The following UBXN2A variants were observed in gnomAD, a reference collection of about 807,000 sequenced individuals.
UBXN2A encodes UBX domain-containing protein 2A.
UBXN2A carries 28 observed loss-of-function variants against 28.4 expected under a neutral mutation model. The observed-to-expected ratio is 0.99, with a 90% CI of 0.73 to 1.35. The LOEUF is 1.35. Ranked by LOEUF, UBXN2A falls within the 40% of genes most tolerant of loss-of-function variation. UBXN2A has a pLI of 0.00. For synonymous variants in UBXN2A, 97 were observed against 103.6 expected (o/e 0.94, Z 0.39); for missense variants, 253 against 297.9 (o/e 0.85, Z 1.11).
At chr2:23,939,108 C>A (rs1705626939), upstream of UBXN2A, among the ~76,000 whole-genome samples, 1 of 151,994 alleles carries the variant, frequency 6.6e-6, no homozygotes, top group Admixed American at 6.6e-5. Context: ...ACAAATAAAT[C>A]CCGATTTAGG....
At chr2:23,930,147 C>T (rs769930847) in intron 1 of UBXN2A, among the ~76,000 whole-genome samples, 1 of 152,138 alleles carries the variant, frequency 6.6e-6, no homozygotes, top group Non-Finnish European at 1.5e-5. Context: ...CTCAGCCTCC[C>T]AAAGTGCTGG....
rs1180529704 is a variant in UBXN2A at position 24,001,175 on chromosome 2, A to G, written c.*1308A>G. On this transcript the variant is annotated 3_prime_UTR_variant, in exon 7 of 7. Transcript: ENST00000309033. The stretch of plus-strand genomic sequence containing the variant: ...TTGGCTAATTTTGCATTTTTAGTAG[A>G]CACGGGATTTCACCATGTTGGTCAG... The G allele has an allele frequency of 6.6e-6, 1 of 152,134 alleles. No individual in the cohort carries two copies. Among genetic ancestry groups the G allele is most frequent in the Non-Finnish European group, 1.5e-5 (1 of 68,054 alleles). 9.4% of individuals were successfully genotyped at this position (152,134 alleles called of 1,614,324 possible).
chr2:23,952,730 A>G (rs1279468542), intron 1 of UBXN2A, among the ~76,000 whole-genome samples: 2 of 152,092 alleles, frequency 1.3e-5, no homozygotes, highest in African/African-American at 4.8e-5. Flanking sequence ...GGTGTGAGCT[A>G]CCACACACAG....
chr2:23,958,328 A>G lies in UBXN2A; in HGVS notation c.14A>G (p.Asp5Gly), dbSNP rs1466896808. The change falls in exon 2 of 7, where the codon GAT (aspartate) becomes GGT (glycine). Residue 5 changes from aspartate (D) to glycine (G), a missense_variant. By Grantham distance (94) the Asp-to-Gly change is moderately conservative. Coordinates refer to ENST00000309033, the MANE Select transcript of UBXN2A (RefSeq NM_181713.4). ...AGGCGAAAGAGAATGAAAGACGTAGATAACCTCAAAAGTATAAAAGAAGAA... is the reference window on the plus strand; with the variant it reads ...AGGCGAAAGAGAATGAAAGACGTAGGTAACCTCAAAAGTATAAAAGAAGAA... MKDV[D>G]NLKSIKEEWV... The G allele has an allele frequency of 2.5e-6, 4 of 1,604,726 alleles. No homozygotes were observed. The highest frequency in any genetic ancestry group is 3.4e-6 in the Non-Finnish European group (4 of 1,177,328).
In UBXN2A at chr2:24,000,394, T is replaced by C. The variant is rs1708695267; in HGVS notation, c.*527T>C. 1 of 152,292 alleles carries C rather than the reference T, an allele frequency of 6.6e-6. No individual in the cohort carries two copies. The highest frequency in any genetic ancestry group is 1.5e-5 in the Non-Finnish European group (1 of 68,242). 9.4% of individuals were successfully genotyped at this position (152,292 alleles called of 1,614,324 possible). ...CCATCTCTAGTAAAAATACAAAAAT[T>C]AGCTGGGCGTGGCGGTGCGCAACTG... is the stretch of plus-strand genomic sequence containing the variant. On this transcript the variant is annotated 3_prime_UTR_variant, in exon 7 of 7. Coordinates refer to ENST00000309033, the MANE Select transcript of UBXN2A (RefSeq NM_181713.4).
chr2:23,951,927 G>A (rs1170590269), intron 1 of UBXN2A, among the ~76,000 whole-genome samples: 2 of 150,552 alleles, frequency 1.3e-5, no homozygotes, highest in African/African-American at 2.4e-5. Context: ...ATGAGAAAAC[G>A]TTAATGGGCA....
rs935312169 is a variant in UBXN2A, at chr2:24,002,504, G to C, written c.*2637G>C. The C allele has an allele frequency of 6.6e-6, 1 of 152,166 alleles. No homozygotes were observed. Among genetic ancestry groups the C allele is most frequent in the Non-Finnish European group, 1.5e-5 (1 of 68,084 alleles). The allele number at this position is 152,166 out of a possible 1,614,324, so 9.4% of individuals were successfully genotyped here. On this transcript the variant is annotated 3_prime_UTR_variant, in exon 7 of 7. Coordinates refer to ENST00000309033, the MANE Select transcript of UBXN2A (RefSeq NM_181713.4). ...TGGCTCACTGCAACTTGTCCCCCCGGGTTCAAGCGATTCTTCTGCCACAGC... is the reference window on the plus strand; with the variant it reads ...TGGCTCACTGCAACTTGTCCCCCCGCGTTCAAGCGATTCTTCTGCCACAGC...
At chr2:23,995,497 C>G (rs1708494372) in intron 6 of UBXN2A, among the ~76,000 whole-genome samples, 1 of 151,972 alleles carries the variant, frequency 6.6e-6, no homozygotes, top group African/African-American at 2.4e-5. Flanking sequence ...CGAGACCATC[C>G]TGGCTAACAT....
At chr2:23,982,749 G>A in intron 4 of UBXN2A, 147 bp from the exon 5 acceptor site, 2 of 835,360 alleles carry the variant, frequency 2.4e-6, no homozygotes, top group African/African-American at 1.8e-5. Context: ...TAACTACATT[G>A]TTTTGAATAC....
At position 24,001,552 on chromosome 2, in the gene UBXN2A, T is replaced by G. The variant is rs1372570379; in HGVS notation, c.*1685T>G. 1 of 152,128 alleles carries G rather than the reference T, an allele frequency of 6.6e-6. No homozygotes were observed. The highest frequency in any genetic ancestry group is 1.5e-5 in the Non-Finnish European group (1 of 68,018). 9.4% of individuals were successfully genotyped at this position (152,128 alleles called of 1,614,324 possible). ...AAGTGGTCCATAGCAGCAGTAATGT[T>G]CATAGGGTGCGAGATGCCTGCTATG... On this transcript the variant is annotated 3_prime_UTR_variant, in exon 7 of 7. Transcript: ENST00000309033.
chr2:23,936,933 A>G (rs764341485), upstream of UBXN2A, among the ~76,000 whole-genome samples: 4 of 151,686 alleles, frequency 2.6e-5, no homozygotes, highest in Non-Finnish European at 4.4e-5. Context: ...CTCGTCTCGA[A>G]CTCCTGGCCT....
chr2:23,948,504 C>T (rs1197319502), intron 1 of UBXN2A, among the ~76,000 whole-genome samples: 4 of 152,040 alleles, frequency 2.6e-5, no homozygotes, highest in South Asian at 4.2e-4. Flanking sequence ...CTGCCCACCT[C>T]GGCCTCCCAA....
At chr2:23,972,829 A>G (rs1707474372) in intron 3 of UBXN2A, among the ~76,000 whole-genome samples, 1 of 152,132 alleles carries the variant, frequency 6.6e-6, no homozygotes, top group Non-Finnish European at 1.5e-5. Context: ...CTCAAAATAA[A>G]TAAATAAATT....
At chr2:23,993,234 C>T (rs1015092693) in intron 6 of UBXN2A, among the ~76,000 whole-genome samples, 1 of 152,054 alleles carries the variant, frequency 6.6e-6, no homozygotes, top group Non-Finnish European at 1.5e-5. Flanking sequence ...TTATTCTGGC[C>T]CAAGCTTATT....
chr2:23,967,534 C>T (rs1707228217), intron 2 of UBXN2A, among the ~76,000 whole-genome samples: 1 of 152,124 alleles, frequency 6.6e-6, no homozygotes, highest in Admixed American at 6.6e-5. Flanking sequence ...TTCACAACAA[C>T]CATGTGAAAT....
chr2:23,987,503 G>C (rs1708177317), intron 6 of UBXN2A, among the ~76,000 whole-genome samples: 1 of 152,096 alleles, frequency 6.6e-6, no homozygotes, highest in Non-Finnish European at 1.5e-5. Context: ...AAAGGACCTG[G>C]CACGGTGGCT....
At chr2:23,995,756 AAGTTG>A (rs1708507491) in intron 6 of UBXN2A, among the ~76,000 whole-genome samples, 1 of 152,078 alleles carries the variant, frequency 6.6e-6, no homozygotes, top group Non-Finnish European at 1.5e-5. Flanking sequence ...ACCCATTGTA[AAGTTG>A]AAAAATAGTT....
chr2:23,977,270 T>C (rs1707707603), intron 4 of UBXN2A, 195 bp downstream of exon 4: 1 of 331,328 alleles, frequency 3.0e-6, no homozygotes. Flanking sequence ...GAGGCTACAG[T>C]GAGCCATGCT....
chr2:23,961,158 C>CAAT (rs890497675), intron 2 of UBXN2A, among the ~76,000 whole-genome samples: 1 of 150,512 alleles, frequency 6.6e-6, no homozygotes. Context: ...TGCAGTGGTA[C>CAAT]AATCTTGGCT....
Sources: allele counts gnomAD v4.1 joint callset (sites outside exome capture counted in the v4.1 genomes callset), GRCh38; gene constraint gnomAD v4.1.1; transcripts MANE v1.5; gene names NCBI Gene and HGNC (gene_info 2026-07-23, HGNC 2026-07-21).